LRRFIP1: variants seen among roughly 807,000 people sequenced by gnomAD.
LRRFIP1 encodes the protein LRR binding FLII interacting protein 1, also known as leucine-rich repeat flightless-interacting protein 1.
Under a neutral mutation model 104.4 loss-of-function variants are expected in LRRFIP1, and 62 were observed. That is an observed-to-expected ratio of 0.59 (90% CI 0.48 to 0.73). LRRFIP1 has a LOEUF of 0.73. Among genes scored for constraint, LRRFIP1 ranks in the 30% least tolerant of loss-of-function variants. The pLI is 0.00. For missense variants in LRRFIP1, 796 were observed against 824.5 expected (o/e 0.97, Z 0.42); for synonymous variants, 300 against 299.0 (o/e 1.00, Z -0.03).
Position 237,646,555 on chromosome 2 carries a change from G to A in LRRFIP1, c.96+18815G>A, listed in dbSNP as rs944936881. Among the ~76,000 whole-genome samples, 9 of 152,046 alleles carry A rather than the reference G, an allele frequency of 5.9e-5. No homozygotes were observed. In the South Asian group the frequency reaches 1.0e-3, roughly 18 times the overall value. On this transcript the variant is annotated intron_variant, in intron 1 of 23. Transcript: ENST00000308482. ...TGTTTGCCCCCACAAGCCCGCATTC[G>A]TATTTTGAAGCCCTAACCCCCAGTG...
intron 1 of LRRFIP1, among the ~76,000 whole-genome samples, chr2:237,632,373 C>A (rs533926278): frequency 3.0e-4 from 45 of 152,336 alleles, no homozygotes; most frequent in Admixed American, 7.2e-4. Flanking sequence ...GCGGGCCAGG[C>A]TGAGGCCAAC....
In LRRFIP1 at chr2:237,729,316, C is replaced by T. The variant is rs760819951; in HGVS notation, c.444+1381C>T. Among the ~76,000 whole-genome samples the T allele has an allele frequency of 7.2e-5, 11 of 152,346 alleles. No individual in the cohort carries two copies. The East Asian group carries it at 7.7e-4, about 11-fold the overall frequency. ...CTGTGGATAAGGGCTCTCCAGTGGA[C>T]GGGTGGCAGCAGGCTGTCACACTCC... On this transcript the variant is annotated intron_variant, in intron 8 of 23. Transcript: ENST00000308482.
At chr2:237,631,077 G>T (rs1469931747) in intron 1 of LRRFIP1, among the ~76,000 whole-genome samples, 1 of 152,248 alleles carries the variant, frequency 6.6e-6, no homozygotes, top group Non-Finnish European at 1.5e-5. Flanking sequence ...TCCTGGGACT[G>T]GGGAGAGCCG....
intron 1 of LRRFIP1, among the ~76,000 whole-genome samples, chr2:237,634,165 C>T (rs2082773350): frequency 1.3e-5 from 2 of 152,136 alleles, no homozygotes; most frequent in Admixed American, 1.3e-4. Flanking sequence ...CCGTAAAACC[C>T]AAGTCCTTAA....
At chr2:237,680,149 T>C (rs1484886345) in intron 1 of LRRFIP1, among the ~76,000 whole-genome samples, 1 of 152,044 alleles carries the variant, frequency 6.6e-6, no homozygotes, top group Non-Finnish European at 1.5e-5. Context: ...TCCACATTCA[T>C]GGATTCAACC....
chr2:237,765,550 T>C (rs2060206310), intron 19 of LRRFIP1: 4 of 975,768 alleles, frequency 4.1e-6, no homozygotes, highest in Non-Finnish European at 4.9e-6. Flanking sequence ...TACAAGCTAC[T>C]AATTAGACTA....
rs878986975 is a variant in LRRFIP1 at position 237,703,667 on chromosome 2, G to A, written c.97-4877G>A. Among the ~76,000 whole-genome samples, 1 of 151,948 alleles carries A rather than the reference G, an allele frequency of 6.6e-6. No homozygotes were observed. The highest frequency in any genetic ancestry group is 2.1e-4 in the South Asian group (1 of 4,812). On this transcript the variant is annotated intron_variant, in intron 1 of 23. Transcript: ENST00000308482. This position sits in a 1 kb window ranked among gnomAD's most constrained non-coding sequence, Gnocchi z 4.3. The stretch of plus-strand genomic sequence containing the variant: ...GGTCAAGTTCTCCAGAGCAGCCCCC[G>A]CCCCTGCCACACGTTTCTTCCCCCA...
chr2:237,635,604 T>C (rs543818919), intron 1 of LRRFIP1, among the ~76,000 whole-genome samples: 1 of 152,280 alleles, frequency 6.6e-6, no homozygotes, highest in African/African-American at 2.4e-5. Flanking sequence ...AAAGAATAGC[T>C]TAGGACCAAG....
In LRRFIP1 at chr2:237,652,086, C is replaced by T. The variant is rs187419411; in HGVS notation, c.96+24346C>T. Among the ~76,000 whole-genome samples the T allele has an allele frequency of 3.2e-4, 48 of 152,322 alleles. 1 individual carries two copies. In the East Asian group the frequency reaches 7.1e-3, roughly 23 times the overall value. On this transcript the variant is annotated intron_variant, in intron 1 of 23. Transcript: ENST00000308482. Reference sequence around the variant, plus strand: ...AGTGAAAAGTAGGTGCAGGTGGTGACGGCGGATCTTTCCATCATAAACTTG... The same window carrying T: ...AGTGAAAAGTAGGTGCAGGTGGTGATGGCGGATCTTTCCATCATAAACTTG...
intron 1 of LRRFIP1, among the ~76,000 whole-genome samples, chr2:237,678,206 A>G (rs1347167264): frequency 1.3e-5 from 2 of 152,236 alleles, no homozygotes; most frequent in Non-Finnish European, 2.9e-5. Flanking sequence ...CCTTAAAAAA[A>G]TAACCAGCGC....
At chr2:237,705,367 G>A (rs1575644083) in intron 1 of LRRFIP1, among the ~76,000 whole-genome samples, 1 of 152,102 alleles carries the variant, frequency 6.6e-6, no homozygotes, top group Non-Finnish European at 1.5e-5. Flanking sequence ...GTGGTCAGGA[G>A]TCTGGGCACA....
intron 1 of LRRFIP1, among the ~76,000 whole-genome samples, chr2:237,705,804 T>C (rs2093774207): frequency 6.6e-6 from 1 of 152,220 alleles, no homozygotes; most frequent in African/African-American, 2.4e-5. Flanking sequence ...GTTGGAAGAA[T>C]TCAGTTCCTT....
chr2:237,700,610 C>A (rs1459189210), intron 1 of LRRFIP1, among the ~76,000 whole-genome samples: 1 of 152,102 alleles, frequency 6.6e-6, no homozygotes, highest in African/African-American at 2.4e-5. Context: ...CAAACGGCTT[C>A]TCTCCCTGAA....
At chr2:237,664,287 G>A (rs925135422) in intron 1 of LRRFIP1, among the ~76,000 whole-genome samples, 1 of 152,254 alleles carries the variant, frequency 6.6e-6, no homozygotes, top group Middle Eastern at 3.2e-3. Context: ...AGAGGCCGGC[G>A]GCGTTCTCCA....
intron 6 of LRRFIP1, 97 bp downstream of exon 6, chr2:237,720,919 C>A: frequency 9.2e-7 from 1 of 1,087,818 alleles, no homozygotes; most frequent in Non-Finnish European, 1.4e-6. Context: ...TCATTATCCC[C>A]GTGGTCTGAT....
intron 10 of LRRFIP1, 82 bp from the exon 11 acceptor site, chr2:237,739,150 T>C (rs2150434197): frequency 3.2e-6 from 4 of 1,249,072 alleles, no homozygotes; most frequent in Non-Finnish European, 4.5e-6. Flanking sequence ...ATGTTTTCTG[T>C]CGGCCTCTAT....
chr2:237,725,532 G>A lies in LRRFIP1; in HGVS notation c.384+1946G>A, dbSNP rs1423718960. ...TACAACACAAAAAAACACCATCCAAGAGGAGAAAGTTAGCAGTGTTCTTTA... is the reference window on the plus strand; with the variant it reads ...TACAACACAAAAAAACACCATCCAAAAGGAGAAAGTTAGCAGTGTTCTTTA... On this transcript the variant is annotated intron_variant, in intron 7 of 23. Transcript: ENST00000308482. Among the ~76,000 whole-genome samples, 3 of 152,110 alleles carry A rather than the reference G, an allele frequency of 2.0e-5. No individual in the cohort carries two copies. The South Asian group carries it at 6.2e-4, about 31-fold the overall frequency.
In LRRFIP1 at chr2:237,735,237, C is replaced by T. The variant is rs376049641; in HGVS notation, c.490-31C>T. On this transcript the variant is annotated intron_variant, in intron 9 of 23. Coordinates refer to ENST00000308482, the MANE Select transcript of LRRFIP1 (RefSeq NM_001137550.2). This position sits in a 1 kb window ranked among gnomAD's most constrained non-coding sequence, Gnocchi z 4.6. ...TGGGCACTCTTGGAGAAAGGAAGAG[C>T]GCCCATCCTGACAGTCTCTTTTGGT... 6 of 1,589,198 alleles carry T rather than the reference C, an allele frequency of 3.8e-6. No individual in the cohort carries two copies. Among genetic ancestry groups the T allele is most frequent in the African/African-American group, 1.3e-5 (1 of 74,318 alleles).
chr2:237,668,364 C>T (rs1200632320), intron 1 of LRRFIP1, among the ~76,000 whole-genome samples: 1 of 152,220 alleles, frequency 6.6e-6, no homozygotes, highest in Admixed American at 6.5e-5. Context: ...GTCCCTGTGC[C>T]TGTCATCATG....
Sources: allele counts gnomAD v4.1 joint callset (sites outside exome capture counted in the v4.1 genomes callset), GRCh38; gene constraint gnomAD v4.1.1; non-coding constraint Gnocchi (gnomAD v3.1); transcripts MANE v1.5; gene names NCBI Gene and HGNC (gene_info 2026-07-23, HGNC 2026-07-21).